Variants in ARHGEF10L observed in about 807,000 individuals in gnomAD.
ARHGEF10L encodes Rho guanine nucleotide exchange factor 10 like.
ARHGEF10L carries 69 observed loss-of-function variants against 141.2 expected under a neutral mutation model. The observed-to-expected ratio is 0.49, with a 90% CI of 0.40 to 0.60. The LOEUF (loss-of-function observed/expected upper bound fraction) is 0.60. Ranked by LOEUF, ARHGEF10L falls within the 20% of genes least tolerant of loss-of-function variation. The pLI is 0.00. For missense variants in ARHGEF10L, 1,482 were observed against 1,734.3 expected (o/e 0.85, Z 2.58); for synonymous variants, 711 against 718.5 (o/e 0.99, Z 0.17).
In ARHGEF10L at chr1:17,656,597, G is replaced by T. The variant is rs745934157; in HGVS notation, c.2749G>T (p.Val917Leu). 28 of 1,613,174 alleles carry T rather than the reference G, an allele frequency of 1.7e-5. No homozygotes were observed. Among genetic ancestry groups the T allele is most frequent in the Non-Finnish European group, 2.5e-6 (3 of 1,179,920 alleles). ...TGTGGACACTGGCACCCAGTGCCTG[G>T]TGAGCTGCAGGAGCCCAGGTCTGCA... is the stretch of plus-strand genomic sequence containing the variant. Reference protein sequence around the residue: ...SSVDTGTQCLVSCRSPGLQPV... With the variant: ...SSVDTGTQCLLSCRSPGLQPV... Residue 917 changes from valine (V) to leucine (L), a missense_variant, in exon 25 of 29, where the codon GTG becomes TTG. By Grantham distance (32) the Val-to-Leu change is conservative. Coordinates refer to ENST00000361221, the MANE Select transcript of ARHGEF10L (RefSeq NM_018125.4). The surrounding 1 kb of genome is among the most constrained non-coding windows in gnomAD (Gnocchi z 4.9).
intron 15 of ARHGEF10L, among the ~76,000 whole-genome samples, chr1:17,631,078 G>C (rs1162604611): frequency 6.6e-6 from 1 of 151,314 alleles, no homozygotes; most frequent in African/African-American, 2.4e-5. Context: ...TTTCTGTCCT[G>C]GGGTTGCCTG....
At chr1:17,554,310 CA>C (rs2077221698) in intron 1 of ARHGEF10L, among the ~76,000 whole-genome samples, 1 of 152,156 alleles carries the variant, frequency 6.6e-6, no homozygotes, top group African/African-American at 2.4e-5. Context: ...GAGCCCAGCC[CA>C]GGGGGCAGGC....
At chr1:17,667,228 G>T (rs1470267129) in intron 26 of ARHGEF10L, among the ~76,000 whole-genome samples, 3 of 152,230 alleles carry the variant, frequency 2.0e-5, no homozygotes, top group Admixed American at 6.5e-5. Context: ...TGCTCTGGGG[G>T]TCTCCAATCT....
At chr1:17,618,537 G>T in intron 9 of ARHGEF10L, 3 of 1,399,710 alleles carry the variant, frequency 2.1e-6, no homozygotes, top group African/African-American at 3.0e-5. Context: ...GGGCCTATTG[G>T]GGTGTCTCTA....
At chr1:17,559,176 T>C (rs1223977687) in intron 1 of ARHGEF10L, among the ~76,000 whole-genome samples, 1 of 152,226 alleles carries the variant, frequency 6.6e-6, no homozygotes, top group South Asian at 2.1e-4. Flanking sequence ...TCAACCTTTC[T>C]GTTTCAGTTC....
chr1:17,689,964 G>A (rs1419608237), intron 27 of ARHGEF10L: 2 of 404,674 alleles, frequency 4.9e-6, no homozygotes, highest in Non-Finnish European at 9.8e-6. Context: ...CACGCCCGTT[G>A]TCTTACTTAC....
chr1:17,607,753 T>C lies in ARHGEF10L; in HGVS notation c.434-49T>C. The stretch of plus-strand genomic sequence containing the variant: ...ATTGGGTCTGAGGCTGGAAGTCTGG[T>C]AGGCTTGGCCTCAGGGCCTGGGCTC... On this transcript the variant is annotated intron_variant, in intron 6 of 28. Coordinates refer to ENST00000361221, the MANE Select transcript of ARHGEF10L (RefSeq NM_018125.4). This position sits in a 1 kb window ranked among gnomAD's most constrained non-coding sequence, Gnocchi z 4.5. The C allele has an allele frequency of 6.9e-7, 1 of 1,449,110 alleles. No individual in the cohort carries two copies. The highest frequency in any genetic ancestry group is 9.1e-7 in the Non-Finnish European group (1 of 1,101,880). 89.8% of individuals were successfully genotyped at this position (1,449,110 alleles called of 1,614,324 possible). A position where few individuals can be genotyped will look rare whatever the true frequency, so the allele number is the denominator to read the frequency against.
At chr1:17,657,713 A>G (rs1475679847) in intron 25 of ARHGEF10L, among the ~76,000 whole-genome samples, 4 of 151,688 alleles carry the variant, frequency 2.6e-5, no homozygotes, top group Admixed American at 2.6e-4. Flanking sequence ...GAGGGAAAAA[A>G]CCCTTCTCAC....
intron 1 of ARHGEF10L, among the ~76,000 whole-genome samples, chr1:17,577,799 C>T (rs2078285245): frequency 6.6e-6 from 1 of 152,210 alleles, no homozygotes; most frequent in African/African-American, 2.4e-5. Context: ...TGACCTGGGG[C>T]AAATATTTGC....
chr1:17,577,599 T>C (rs2078275725), intron 1 of ARHGEF10L, among the ~76,000 whole-genome samples: 1 of 152,194 alleles, frequency 6.6e-6, no homozygotes, highest in South Asian at 2.1e-4. Flanking sequence ...CCTATGGGTA[T>C]GGGCAGGGCT....
At chr1:17,521,331 G>A in the ARHGEF10L span, among the ~76,000 whole-genome samples, 43 of 152,314 alleles carry the variant, frequency 2.8e-4, no homozygotes, top group African/African-American at 1.0e-3. Flanking sequence ...CGAGTAGCTG[G>A]GATTACAGGC....
chr1:17,628,516 C>T (rs1422287130), intron 15 of ARHGEF10L, among the ~76,000 whole-genome samples: 2 of 152,048 alleles, frequency 1.3e-5, no homozygotes, highest in Non-Finnish European at 2.9e-5. Context: ...CACACCCCAG[C>T]CCCCCTGTTC....
At chr1:17,678,604 A>G (rs2063876902) in intron 26 of ARHGEF10L, among the ~76,000 whole-genome samples, 1 of 152,090 alleles carries the variant, frequency 6.6e-6, no homozygotes, top group Non-Finnish European at 1.5e-5. Flanking sequence ...TTTTTAGTAG[A>G]GATGAGGTTT....
intron 26 of ARHGEF10L, among the ~76,000 whole-genome samples, chr1:17,669,478 GCA>G (rs1353927091): frequency 6.6e-6 from 1 of 152,196 alleles, no homozygotes; most frequent in East Asian, 1.9e-4. Flanking sequence ...GGAAACAGAG[GCA>G]CAGAGAGGTT....
chr1:17,529,445 C>T, the ARHGEF10L span, among the ~76,000 whole-genome samples: 1 of 152,222 alleles, frequency 6.6e-6, no homozygotes, highest in African/African-American at 2.4e-5. Flanking sequence ...GCCAGCTTCT[C>T]AGGGTGGGGA....
chr1:17,696,791 C>T (rs2065534998), intron 28 of ARHGEF10L, 57 bp from the exon 29 acceptor site: 1 of 1,438,710 alleles, frequency 7.0e-7, no homozygotes, highest in African/African-American at 1.4e-5. Flanking sequence ...GACTCAGGTG[C>T]TTCCCTTAAT....
At chr1:17,637,803 C>A in intron 18 of ARHGEF10L, 85 bp from the exon 19 acceptor site, 3 of 1,301,756 alleles carry the variant, frequency 2.3e-6, no homozygotes, top group Middle Eastern at 1.9e-4. Context: ...CGCGCCCAGC[C>A]TCTGGATCTT....
chr1:17,622,435 G>A (rs2060154855), intron 11 of ARHGEF10L, among the ~76,000 whole-genome samples: 2 of 152,238 alleles, frequency 1.3e-5, no homozygotes, highest in South Asian at 4.1e-4. Flanking sequence ...GAGAATCCCT[G>A]AGACAGTGTT....
intron 26 of ARHGEF10L, among the ~76,000 whole-genome samples, chr1:17,667,745 C>G (rs2063075362): frequency 6.6e-6 from 1 of 152,178 alleles, no homozygotes; most frequent in African/African-American, 2.4e-5. Flanking sequence ...TGGCGCGGCC[C>G]CAGGGCACAG....
Sources: allele counts gnomAD v4.1 joint callset (sites outside exome capture counted in the v4.1 genomes callset), GRCh38; gene constraint gnomAD v4.1.1; non-coding constraint Gnocchi (gnomAD v3.1); transcripts MANE v1.5; gene names NCBI Gene and HGNC (gene_info 2026-07-23, HGNC 2026-07-21).